Variants in TENM2 observed in about 807,000 individuals in gnomAD.
The protein encoded by TENM2 is teneurin transmembrane protein 2.
Under a neutral mutation model 245.2 loss-of-function variants are expected in TENM2, and 52 were observed. The observed-to-expected ratio is 0.21, with a 90% CI of 0.17 to 0.27. The LOEUF (loss-of-function observed/expected upper bound fraction) is 0.27, where lower values mean the gene tolerates loss of function less well. TENM2 is among the 10% of genes least tolerant of loss of function. The pLI is 1.00. For missense variants in TENM2, 3,046 were observed against 3,666.8 expected (o/e 0.83, Z 4.37); for synonymous variants, 1,363 against 1,438.9 (o/e 0.95, Z 1.19).
intron 1 of TENM2, among the ~76,000 whole-genome samples, chr5:167,371,346 T>C (rs1347438764): frequency 6.7e-6 from 1 of 148,588 alleles, no homozygotes; most frequent in East Asian, 2.0e-4. Context: ...TTTTTTTTTT[T>C]TTCTTTCTTT....
chr5:167,480,947 G>C (rs528112868), intron 2 of TENM2, among the ~76,000 whole-genome samples: 1 of 152,240 alleles, frequency 6.6e-6, no homozygotes, highest in African/African-American at 2.4e-5. Context: ...CTGAAAACCA[G>C]GAATTCCCAT....
chr5:168,118,879 G>A (rs1253012999), intron 10 of TENM2, among the ~76,000 whole-genome samples: 1 of 150,614 alleles, frequency 6.6e-6, no homozygotes, highest in Non-Finnish European at 1.5e-5. Flanking sequence ...CTTTTCTCCT[G>A]CTTTATTTAG....
chr5:167,354,613 G>A (rs2127237116), intron 1 of TENM2, among the ~76,000 whole-genome samples: 1 of 152,286 alleles, frequency 6.6e-6, no homozygotes, highest in African/African-American at 2.4e-5. Context: ...ATTCTAGAAA[G>A]CATGGCTTGT....
intron 2 of TENM2, among the ~76,000 whole-genome samples, chr5:167,837,705 G>T (rs999009830): frequency 1.3e-5 from 2 of 152,024 alleles, no homozygotes; most frequent in African/African-American, 4.8e-5. Context: ...AATCTCTTAA[G>T]ATTGCTCTGA....
chr5:167,613,159 G>A (rs538107136), intron 2 of TENM2, among the ~76,000 whole-genome samples: 18 of 152,248 alleles, frequency 1.2e-4, no homozygotes, highest in South Asian at 1.0e-3. Context: ...GTGTCAGATC[G>A]TGTGGGTTCA....
chr5:167,520,500 A>T (rs1189181884), intron 2 of TENM2, among the ~76,000 whole-genome samples: 1 of 152,086 alleles, frequency 6.6e-6, no homozygotes. Flanking sequence ...TTGTATGAGG[A>T]TCATAATGCA....
intron 1 of TENM2, among the ~76,000 whole-genome samples, chr5:167,357,507 G>A (rs952611190): frequency 6.6e-6 from 1 of 151,752 alleles, no homozygotes; most frequent in African/African-American, 2.4e-5. Flanking sequence ...TGATCCTCCC[G>A]CCTCAGCCTC....
intron 4 of TENM2, among the ~76,000 whole-genome samples, chr5:167,988,871 A>G (rs1783441811): frequency 6.6e-6 from 1 of 152,214 alleles, no homozygotes; most frequent in Non-Finnish European, 1.5e-5. Context: ...TCAAGGGAAC[A>G]TTTTTAGGAT....
intron 2 of TENM2, among the ~76,000 whole-genome samples, chr5:167,548,987 C>A (rs1014496010): frequency 6.6e-6 from 1 of 152,152 alleles, no homozygotes; most frequent in African/African-American, 2.4e-5. Context: ...GATTCTTAAT[C>A]CTTAGTATCA....
chr5:167,469,168 G>T (rs1766852192), intron 2 of TENM2, among the ~76,000 whole-genome samples: 1 of 152,120 alleles, frequency 6.6e-6, no homozygotes, highest in Admixed American at 6.5e-5. Context: ...TTCATCTGAA[G>T]TTAGGCTGAT....
intron 2 of TENM2, among the ~76,000 whole-genome samples, chr5:167,794,425 G>C (rs1478119608): frequency 6.6e-6 from 1 of 152,188 alleles, no homozygotes; most frequent in Non-Finnish European, 1.5e-5. Flanking sequence ...CTAGGAAAAT[G>C]TTAGGGAAAA....
intron 5 of TENM2, among the ~76,000 whole-genome samples, chr5:168,038,347 C>G (rs943712442): frequency 2.0e-5 from 3 of 151,724 alleles, no homozygotes; most frequent in East Asian, 1.9e-4. Flanking sequence ...TACCCCCACC[C>G]AGATCCTCAC....
chr5:167,177,306 C>T, the TENM2 span, among the ~76,000 whole-genome samples: 1 of 152,134 alleles, frequency 6.6e-6, no homozygotes, highest in African/African-American at 2.4e-5. Context: ...AAGACAGTCA[C>T]CAGTAAGGGA....
the TENM2 span, among the ~76,000 whole-genome samples, chr5:167,180,103 CTTTTTTTTTTT>C: frequency 4.3e-5 from 5 of 114,960 alleles, no homozygotes; most frequent in Middle Eastern, 5.4e-3. Flanking sequence ...TAAGTGCTTC[CTTTTTTTTTTT>C]TTTTTTTTTT....
intron 2 of TENM2, among the ~76,000 whole-genome samples, chr5:167,873,461 G>C (rs575341595): frequency 1.2e-4 from 19 of 152,118 alleles, no homozygotes; most frequent in Non-Finnish European, 2.4e-4. Context: ...CCTGGCCTCT[G>C]CTGCTTAACT....
At chr5:167,259,290 A>C in the TENM2 span, among the ~76,000 whole-genome samples, 3 of 152,178 alleles carry the variant, frequency 2.0e-5, no homozygotes, top group Non-Finnish European at 4.4e-5. Flanking sequence ...ATATAGTTGG[A>C]TCTGGAGCTA....
chr5:168,139,501 A>G, intron 12 of TENM2: 1 of 456,518 alleles, frequency 2.2e-6, no homozygotes, highest in Non-Finnish European at 4.4e-6. Flanking sequence ...GGCAAAGGCT[A>G]GAAGTGAGAG....
At chr5:167,589,593 CT>C (rs1422592034) in intron 2 of TENM2, among the ~76,000 whole-genome samples, 2 of 151,762 alleles carry the variant, frequency 1.3e-5, no homozygotes, top group Non-Finnish European at 2.9e-5. Flanking sequence ...TAGAATTGCT[CT>C]TTCAGAAAAT....
the TENM2 span, among the ~76,000 whole-genome samples, chr5:167,043,408 T>C: frequency 6.6e-6 from 1 of 152,130 alleles, no homozygotes; most frequent in Non-Finnish European, 1.5e-5. Flanking sequence ...AAAAACTGTT[T>C]CAAGGAGGAG....
Sources: gnomAD v4.1 joint callset for allele counts (sites outside exome capture counted in the v4.1 genomes callset) on GRCh38, gnomAD v4.1.1 for gene constraint, MANE v1.5 for transcripts, NCBI Gene and HGNC (gene_info 2026-07-23, HGNC 2026-07-21) for gene names.